The following ANKS1B variants were observed in gnomAD, a reference collection of about 807,000 sequenced individuals.
The protein encoded by ANKS1B is ankyrin repeat and sterile alpha motif domain-containing protein 1B.
ANKS1B carries 36 observed loss-of-function variants against 148.3 expected under a neutral mutation model. The observed-to-expected ratio is 0.24, with a 90% CI of 0.19 to 0.32. The LOEUF is 0.32. Ranked by LOEUF, ANKS1B falls within the 10% of genes least tolerant of loss-of-function variation. ANKS1B has a pLI of 1.00. For missense variants in ANKS1B, 1,157 were observed against 1,542.6 expected, an observed-to-expected ratio of 0.75 and a Z score of 4.19; for synonymous variants, 542 against 560.8, an observed-to-expected ratio of 0.97 and a Z score of 0.47.
chr12:98,832,331 A>G (rs2099325067), intron 17 of ANKS1B, among the ~76,000 whole-genome samples, 195 bp from the exon 18 acceptor site: 1 of 152,180 alleles, frequency 6.6e-6, no homozygotes, highest in Non-Finnish European at 1.5e-5. Flanking sequence ...GCTAAGTATC[A>G]GGGGCACAAA....
chr12:99,506,405 G>T (rs2096712417), intron 9 of ANKS1B, among the ~76,000 whole-genome samples: 1 of 151,912 alleles, frequency 6.6e-6, no homozygotes, highest in Admixed American at 6.6e-5. Flanking sequence ...GTCAATTATG[G>T]TCATGATACT....
At chr12:99,085,866 T>TGGAGGATGGAGGAGGG (rs1555227180) in intron 15 of ANKS1B, among the ~76,000 whole-genome samples, 1 of 151,386 alleles carries the variant, frequency 6.6e-6, no homozygotes, top group East Asian at 1.9e-4. Context: ...TGTTGGAGGG[T>TGGAGGATGGAGGAGGG]GGAGGATGGA....
At chr12:98,939,962 G>A (rs2099834025) in intron 17 of ANKS1B, among the ~76,000 whole-genome samples, 1 of 152,236 alleles carries the variant, frequency 6.6e-6, no homozygotes, top group African/African-American at 2.4e-5. Flanking sequence ...AAACAAGGGT[G>A]AGAGATGATT....
At chr12:99,485,982 C>T (rs955949514) in intron 10 of ANKS1B, among the ~76,000 whole-genome samples, 2 of 152,080 alleles carry the variant, frequency 1.3e-5, no homozygotes, top group Non-Finnish European at 2.9e-5. Context: ...CTAATATCTC[C>T]CTGAGTAGCT....
At chr12:99,646,454 G>A (rs1359864324) in intron 9 of ANKS1B, among the ~76,000 whole-genome samples, 3 of 151,942 alleles carry the variant, frequency 2.0e-5, no homozygotes, top group Non-Finnish European at 4.4e-5. Flanking sequence ...TCAGGAGTTC[G>A]AGACCAGCCT....
chr12:99,175,746 A>T (rs2153837382), intron 14 of ANKS1B, among the ~76,000 whole-genome samples: 1 of 152,340 alleles, frequency 6.6e-6, no homozygotes, highest in Middle Eastern at 3.4e-3. Context: ...GTTGAAGAAG[A>T]GCAACAACAA....
At chr12:99,829,007 C>T (rs1443389902) in intron 1 of ANKS1B, among the ~76,000 whole-genome samples, 3 of 151,580 alleles carry the variant, frequency 2.0e-5, no homozygotes, top group Non-Finnish European at 4.4e-5. Context: ...AAAAATAAAG[C>T]TCATGAAGTA....
chr12:99,501,642 T>C (rs1010629561), intron 10 of ANKS1B, among the ~76,000 whole-genome samples: 2 of 152,158 alleles, frequency 1.3e-5, no homozygotes, highest in African/African-American at 4.8e-5. Flanking sequence ...CTTGGAATCC[T>C]AGTTCTATGG....
intron 11 of ANKS1B, among the ~76,000 whole-genome samples, chr12:99,405,287 G>C (rs1378968034): frequency 6.9e-6 from 1 of 145,388 alleles, no homozygotes; most frequent in Admixed American, 6.8e-5. Flanking sequence ...ATATTTTGAG[G>C]TGACAAATGA....
chr12:99,391,063 G>A (rs1391712923), intron 12 of ANKS1B, among the ~76,000 whole-genome samples: 3 of 152,176 alleles, frequency 2.0e-5, no homozygotes, highest in African/African-American at 7.2e-5. Flanking sequence ...CTTTTCCTGT[G>A]TGTCTCTCCG....
chr12:99,661,839 G>A (rs2098479087), intron 8 of ANKS1B, among the ~76,000 whole-genome samples: 1 of 152,180 alleles, frequency 6.6e-6, no homozygotes, highest in African/African-American at 2.4e-5. Flanking sequence ...ACATGGCTAA[G>A]TCATAACCAT....
chr12:98,848,310 TA>T (rs571534128), intron 17 of ANKS1B, among the ~76,000 whole-genome samples: 88 of 152,236 alleles, frequency 5.8e-4, no homozygotes, highest in South Asian at 3.9e-3. Flanking sequence ...CAACATACAA[TA>T]AAAAAATTGG....
intron 12 of ANKS1B, among the ~76,000 whole-genome samples, chr12:99,392,094 A>G (rs558414858): frequency 3.4e-4 from 52 of 152,326 alleles, no homozygotes; most frequent in African/African-American, 1.3e-3. Context: ...TACTTTCTCC[A>G]TATCAGCTTG....
At chr12:99,834,536 T>C (rs948146780) in intron 1 of ANKS1B, among the ~76,000 whole-genome samples, 1 of 152,204 alleles carries the variant, frequency 6.6e-6, no homozygotes, top group Non-Finnish European at 1.5e-5. Flanking sequence ...ATAAACAAAA[T>C]AGTTTTCTAC....
At chr12:98,881,954 G>A (rs1179309580) in intron 17 of ANKS1B, among the ~76,000 whole-genome samples, 1 of 152,088 alleles carries the variant, frequency 6.6e-6, no homozygotes, top group African/African-American at 2.4e-5. Flanking sequence ...TCTATCTCAT[G>A]TAAGGCAAAT....
chr12:99,102,723 G>A (rs1207006299), intron 15 of ANKS1B, among the ~76,000 whole-genome samples: 1 of 152,072 alleles, frequency 6.6e-6, no homozygotes, highest in South Asian at 2.1e-4. Context: ...CAGGTTGGGT[G>A]ACAGAGTAAG....
intron 12 of ANKS1B, among the ~76,000 whole-genome samples, chr12:99,266,802 C>T (rs2076489271): frequency 6.6e-6 from 1 of 152,022 alleles, no homozygotes; most frequent in Non-Finnish European, 1.5e-5. Flanking sequence ...CATATGAGTC[C>T]TAACTTTTAT....
At chr12:99,972,349 T>G (rs974540373) in intron 1 of ANKS1B, among the ~76,000 whole-genome samples, 4 of 152,030 alleles carry the variant, frequency 2.6e-5, no homozygotes, top group Admixed American at 6.5e-5. Context: ...AAGCTGCAAA[T>G]GCAAAGGAAA....
At chr12:99,834,155 C>G (rs1322970683) in intron 1 of ANKS1B, among the ~76,000 whole-genome samples, 1 of 152,048 alleles carries the variant, frequency 6.6e-6, no homozygotes, top group Non-Finnish European at 1.5e-5. Context: ...TTGCCTTGCC[C>G]CCTTTACTCA....
Sources: gnomAD v4.1 joint callset for allele counts (sites outside exome capture counted in the v4.1 genomes callset) on GRCh38, gnomAD v4.1.1 for gene constraint, MANE v1.5 for transcripts, NCBI Gene and HGNC (gene_info 2026-07-23, HGNC 2026-07-21) for gene names.